Variants in PTER observed in about 807,000 individuals in gnomAD.
PTER encodes phosphotriesterase related, also known as N-acetyltaurine hydrolase.
PTER carries 38 observed loss-of-function variants against 29.6 expected under a neutral mutation model. That is an observed-to-expected ratio of 1.28 (90% CI 0.99 to 1.68). PTER has a LOEUF of 1.68. PTER is among the 40% of genes most tolerant of loss of function. The pLI is 0.00. For missense variants in PTER, 482 were observed against 427.8 expected (o/e 1.13, Z -1.12); for synonymous variants, 172 against 154.5 (o/e 1.11, Z -0.84).
At chr10:16,457,224 G>T (rs1588590944) in intron 1 of PTER, among the ~76,000 whole-genome samples, 1 of 146,448 alleles carries the variant, frequency 6.8e-6, no homozygotes, top group African/African-American at 2.5e-5. Flanking sequence ...TTGTTTGTTT[G>T]TTTTTTGAGA....
intron 4 of PTER, among the ~76,000 whole-genome samples, chr10:16,510,554 T>G (rs767272606): frequency 6.6e-6 from 1 of 152,196 alleles, no homozygotes; most frequent in African/African-American, 2.4e-5. Flanking sequence ...TCTCAGAATA[T>G]TTTACTTGTA....
At chr10:16,442,580 G>A (rs925285230) in intron 1 of PTER, among the ~76,000 whole-genome samples, 22 of 152,118 alleles carry the variant, frequency 1.4e-4, no homozygotes, top group Admixed American at 3.9e-4. Flanking sequence ...GACCAGCCTG[G>A]GCAACAGTGA....
intron 1 of PTER, among the ~76,000 whole-genome samples, chr10:16,463,476 C>G (rs912375933): frequency 6.6e-6 from 1 of 152,070 alleles, no homozygotes; most frequent in Admixed American, 6.6e-5. Flanking sequence ...CCATGGCAGG[C>G]GCGATCTTGG....
chr10:16,444,566 A>AT (rs200689004), intron 1 of PTER, among the ~76,000 whole-genome samples: 11 of 149,804 alleles, frequency 7.3e-5, no homozygotes, highest in South Asian at 2.1e-4. Flanking sequence ...ATTTAAAAAC[A>AT]TTTTTTTTTA....
intron 1 of PTER, among the ~76,000 whole-genome samples, chr10:16,461,854 G>T (rs76673154): frequency 1.2e-3 from 185 of 151,934 alleles, no homozygotes; most frequent in African/African-American, 4.4e-3. Context: ...TTCATTATAT[G>T]CATTTCCATT....
intron 3 of PTER, among the ~76,000 whole-genome samples, chr10:16,500,919 CTTTTA>C (rs1013359946): frequency 4.6e-5 from 7 of 151,440 alleles, no homozygotes; most frequent in African/African-American, 1.2e-4. Context: ...CCCCATTCCT[CTTTTA>C]TTTTATTTTT....
intron 1 of PTER, among the ~76,000 whole-genome samples, chr10:16,470,908 C>T (rs1046327045): frequency 3.3e-5 from 5 of 152,022 alleles, no homozygotes; most frequent in African/African-American, 1.2e-4. Flanking sequence ...ATGACTGACA[C>T]TTCCTAATTT....
intron 3 of PTER, among the ~76,000 whole-genome samples, chr10:16,495,311 C>T (rs1836054034): frequency 6.6e-6 from 1 of 151,888 alleles, no homozygotes; most frequent in South Asian, 2.1e-4. Context: ...GCTGAGATTA[C>T]AAGCGTGCAC....
At chr10:16,443,029 C>T (rs1430215186) in intron 1 of PTER, among the ~76,000 whole-genome samples, 1 of 152,010 alleles carries the variant, frequency 6.6e-6, no homozygotes, top group Non-Finnish European at 1.5e-5. Flanking sequence ...AATTAAGGGC[C>T]ATTTCTGTAG....
At chr10:16,481,763 ATTTTATCAATTTAGCTCAG>A (rs1835488900) in intron 1 of PTER, among the ~76,000 whole-genome samples, 1 of 152,174 alleles carries the variant, frequency 6.6e-6, no homozygotes, top group African/African-American at 2.4e-5. Context: ...AAGTGGTAGC[ATTTTATCAATTTAGCTCAG>A]TTTCTGCCCC....
Position 16,511,155 on chromosome 10 carries a change from C to T in PTER, c.949C>T (p.Leu317Phe). The T allele has an allele frequency of 6.2e-7, 1 of 1,614,084 alleles. No individual in the cohort carries two copies. Among genetic ancestry groups the T allele is most frequent in the Non-Finnish European group, 8.5e-7 (1 of 1,179,968 alleles). The change falls in exon 5 of 5, where the codon CTC becomes TTC. Residue 317 changes from leucine to phenylalanine, a missense_variant. By Grantham distance (22) the Leu-to-Phe change is conservative (BLOSUM62 0). Coordinates refer to ENST00000535784, the MANE Select transcript of PTER (RefSeq NM_001261836.2). The part of the protein sequence containing the change: ...KYGGHGYSHI[L>F]TNVVPKMLLR... ...TGGAGGTCACGGCTATTCTCATATA[C>T]TCACCAATGTTGTTCCTAAAATGTT...
Position 16,511,494 on chromosome 10 carries a change from C to T in PTER, c.*238C>T. ...ACTTAACAAAATAAATACAGAAGTA[C>T]CTATTTCTAAACAATGATTTAAAGT... On this transcript the variant is annotated 3_prime_UTR_variant, in exon 5 of 5. Transcript: ENST00000535784. 2.0e-6 allele frequency: 1 copy of T among 510,122 alleles called. No homozygotes were observed. Among genetic ancestry groups the T allele is most frequent in the Non-Finnish European group, 3.5e-6 (1 of 284,830 alleles). The allele number at this position is 510,122 out of a possible 1,614,324, so 31.6% of individuals were successfully genotyped here.
At chr10:16,450,647 T>C (rs576031104) in intron 1 of PTER, among the ~76,000 whole-genome samples, 20 of 152,162 alleles carry the variant, frequency 1.3e-4, no homozygotes, top group Non-Finnish European at 2.2e-4. Flanking sequence ...ATTTCAGCCC[T>C]TTGTCTACAG....
At chr10:16,506,368 G>A (rs1363909084) in intron 4 of PTER, among the ~76,000 whole-genome samples, 2 of 152,166 alleles carry the variant, frequency 1.3e-5, no homozygotes, top group African/African-American at 4.8e-5. Context: ...CAATGTTTAT[G>A]TGACTTAAGA....
At chr10:16,458,122 T>A (rs558699083) in intron 1 of PTER, among the ~76,000 whole-genome samples, 23 of 152,248 alleles carry the variant, frequency 1.5e-4, no homozygotes, top group South Asian at 4.1e-4. Context: ...GAAACCCTAT[T>A]ATCTTGTGGA....
intron 1 of PTER, among the ~76,000 whole-genome samples, chr10:16,463,954 GT>G (rs1385023478): frequency 6.6e-6 from 1 of 152,096 alleles, no homozygotes; most frequent in Non-Finnish European, 1.5e-5. Context: ...AATAATAAAA[GT>G]GGATTTCGTC....
At chr10:16,486,639 T>A in intron 3 of PTER, 22 bp downstream of exon 3, 1 of 1,591,286 alleles carries the variant, frequency 6.3e-7, no homozygotes, top group Non-Finnish European at 8.6e-7. Context: ...GTCTTACAAA[T>A]GGATGCAAAC....
chr10:16,508,310 C>T (rs190562850), intron 4 of PTER, among the ~76,000 whole-genome samples: 2,350 of 152,138 alleles, frequency 0.015, 55 homozygotes, highest in African/African-American at 0.053. Context: ...CCTCGTGATC[C>T]GCCCGCCTCG....
At chr10:16,497,816 G>A (rs1018093460) in intron 3 of PTER, among the ~76,000 whole-genome samples, 8 of 152,242 alleles carry the variant, frequency 5.3e-5, no homozygotes, top group Admixed American at 4.6e-4. Context: ...TATAAAAGGG[G>A]GTTGAAAATA....
Sources: allele counts gnomAD v4.1 joint callset (sites outside exome capture counted in the v4.1 genomes callset), GRCh38; gene constraint gnomAD v4.1.1; transcripts MANE v1.5; gene names NCBI Gene and HGNC (gene_info 2026-07-23, HGNC 2026-07-21).